STPG2: variants seen among roughly 807,000 people sequenced by gnomAD.
STPG2 encodes sperm tail PG-rich repeat containing 2.
In STPG2, 56 loss-of-function variants were observed where a neutral mutation model predicts 54.2. The ratio of observed to expected loss-of-function variants is 1.03; its 90% confidence interval spans 0.83 to 1.29. The LOEUF (loss-of-function observed/expected upper bound fraction) is 1.29. Among genes scored for constraint, STPG2 ranks in the 50% most tolerant of loss-of-function variants. The pLI is 0.00. For missense variants in STPG2, 596 were observed against 544.9 expected (o/e 1.09, Z -0.93); for synonymous variants, 200 against 181.8 (o/e 1.10, Z -0.81).
chr4:97,589,479 T>C (rs1029976193), intron 10 of STPG2, among the ~76,000 whole-genome samples: 2 of 152,176 alleles, frequency 1.3e-5, no homozygotes, highest in Non-Finnish European at 2.9e-5. Flanking sequence ...GATTCATATA[T>C]TAATTTAATA....
intron 4 of STPG2, among the ~76,000 whole-genome samples, chr4:97,446,516 T>A (rs80020218): frequency 0.014 from 2,117 of 152,316 alleles, 42 homozygotes; most frequent in African/African-American, 0.048. Flanking sequence ...AGGACAGGTA[T>A]ACTCACTGAT....
At chr4:97,912,523 C>G (rs1731719803) in intron 8 of STPG2, among the ~76,000 whole-genome samples, 1 of 152,138 alleles carries the variant, frequency 6.6e-6, no homozygotes, top group Non-Finnish European at 1.5e-5. Flanking sequence ...ACGATGCACT[C>G]ACAAGTATCA....
chr4:97,966,248 A>G (rs1481241833), intron 7 of STPG2, among the ~76,000 whole-genome samples: 1 of 152,194 alleles, frequency 6.6e-6, no homozygotes, highest in Non-Finnish European at 1.5e-5. Context: ...ACAAGCTTCA[A>G]TAGCTGATTC....
chr4:97,861,205 G>C (rs1362116067), intron 8 of STPG2, among the ~76,000 whole-genome samples: 4 of 152,042 alleles, frequency 2.6e-5, no homozygotes, highest in Non-Finnish European at 5.9e-5. Context: ...TTTCTCAGAA[G>C]AAGACAAACA....
chr4:97,562,536 G>C (rs889040173), intron 10 of STPG2, among the ~76,000 whole-genome samples: 7 of 152,188 alleles, frequency 4.6e-5, no homozygotes, highest in Admixed American at 1.3e-4. Flanking sequence ...CAAAGGGAAT[G>C]CTTGCAGTTT....
chr4:97,868,934 T>C (rs1316626179), intron 8 of STPG2, among the ~76,000 whole-genome samples: 1 of 151,920 alleles, frequency 6.6e-6, no homozygotes, highest in Non-Finnish European at 1.5e-5. Flanking sequence ...GTAAGAGAAA[T>C]TTCGAGTTAT....
chr4:97,557,690 C>T (rs1732112362), downstream of STPG2, among the ~76,000 whole-genome samples: 1 of 152,122 alleles, frequency 6.6e-6, no homozygotes, highest in South Asian at 2.1e-4. Context: ...GAAAGAGCTA[C>T]AGGGCCAAGC....
At chr4:97,514,121 A>T (rs1254870791) in intron 4 of STPG2, among the ~76,000 whole-genome samples, 1 of 152,128 alleles carries the variant, frequency 6.6e-6, no homozygotes, top group Non-Finnish European at 1.5e-5. Flanking sequence ...ACAGATAATG[A>T]CGGTAAATTT....
At position 98,005,260 on chromosome 4, in the gene STPG2, C is replaced by T. The variant is rs142735928; in HGVS notation, c.613-23942G>A. On this transcript the variant is annotated intron_variant, in intron 5 of 10. Transcript: ENST00000295268. ...CCACCCAGATTAGGGGTGGGTCTGC[C>T]TCTCCTAGTCCAGTGACTCAAATGT... is the stretch of plus-strand genomic sequence containing the variant. 3.3e-3 allele frequency among the ~76,000 whole-genome samples: 503 copies of T among 152,258 alleles called. 1 individual carries two copies. Among genetic ancestry groups the T allele is most frequent in the Non-Finnish European group, 5.5e-3 (374 of 68,010 alleles).
chr4:98,001,313 A>G (rs1735408657), intron 5 of STPG2, among the ~76,000 whole-genome samples: 1 of 151,166 alleles, frequency 6.6e-6, no homozygotes, highest in Non-Finnish European at 1.5e-5. Flanking sequence ...TAATTACTAT[A>G]CCCTATGTGG....
intron 4 of STPG2, among the ~76,000 whole-genome samples, chr4:97,537,900 C>A (rs374553767): frequency 6.6e-6 from 1 of 152,202 alleles, no homozygotes; most frequent in East Asian, 1.9e-4. Context: ...ATTCGCTGTT[C>A]TGCAGCCTCC....
At chr4:98,121,972 A>T (rs767206178) in intron 3 of STPG2, among the ~76,000 whole-genome samples, 1 of 152,122 alleles carries the variant, frequency 6.6e-6, no homozygotes, top group Non-Finnish European at 1.5e-5. Context: ...CACCCGCATC[A>T]GCCTCCCAAA....
chr4:97,865,135 TATC>T (rs1318578606), intron 8 of STPG2, among the ~76,000 whole-genome samples: 1 of 152,086 alleles, frequency 6.6e-6, no homozygotes, highest in East Asian at 1.9e-4. Context: ...CAAAAGAAAC[TATC>T]ATCAGAGTGA....
intron 10 of STPG2, among the ~76,000 whole-genome samples, chr4:97,697,184 G>C (rs1324260077): frequency 6.6e-6 from 1 of 152,186 alleles, no homozygotes; most frequent in South Asian, 2.1e-4. Flanking sequence ...TGGTATAGTG[G>C]CACCTCAACC....
At chr4:97,714,573 A>T (rs528518307) in intron 9 of STPG2, among the ~76,000 whole-genome samples, 1 of 152,302 alleles carries the variant, frequency 6.6e-6, no homozygotes, top group East Asian at 1.9e-4. Flanking sequence ...GTTTTTGCAA[A>T]TGCCATCTTA....
At chr4:98,131,332 T>C (rs968864866) in intron 2 of STPG2, among the ~76,000 whole-genome samples, 40 of 152,202 alleles carry the variant, frequency 2.6e-4, no homozygotes, top group African/African-American at 9.4e-4. Flanking sequence ...GTTAAAATTA[T>C]ACATCTCAGG....
chr4:97,915,427 C>G (rs751091632), intron 8 of STPG2, among the ~76,000 whole-genome samples: 1 of 152,082 alleles, frequency 6.6e-6, no homozygotes, highest in Non-Finnish European at 1.5e-5. Context: ...TAACCACCTC[C>G]AAAGCTGGGA....
chr4:98,072,959 C>T (rs754769653), intron 5 of STPG2, among the ~76,000 whole-genome samples: 3 of 152,058 alleles, frequency 2.0e-5, no homozygotes, highest in Admixed American at 6.6e-5. Context: ...TCATTTGTAA[C>T]GTGTACAATA....
intron 9 of STPG2, among the ~76,000 whole-genome samples, chr4:97,724,805 A>C (rs1724565437): frequency 6.6e-6 from 1 of 152,172 alleles, no homozygotes; most frequent in Admixed American, 6.5e-5. Flanking sequence ...ATAATATCTT[A>C]GTATTATAGC....
Sources: gnomAD v4.1 joint callset for allele counts (sites outside exome capture counted in the v4.1 genomes callset) on GRCh38, gnomAD v4.1.1 for gene constraint, MANE v1.5 for transcripts, NCBI Gene and HGNC (gene_info 2026-07-23, HGNC 2026-07-21) for gene names.